UVSSA: variants seen among roughly 807,000 people sequenced by gnomAD.
UVSSA encodes UV stimulated scaffold protein A.
Under a neutral mutation model 73.9 loss-of-function variants are expected in UVSSA, and 72 were observed. The ratio of observed to expected loss-of-function variants is 0.97; its 90% CI spans 0.81 to 1.19. UVSSA has a LOEUF of 1.19. Among genes scored for constraint, UVSSA ranks in the 50% most tolerant of loss-of-function variants. The probability of loss-of-function intolerance (pLI) is 0.00; values close to 1 mark genes in which losing one functional copy is unlikely to be tolerated. For missense variants in UVSSA, 1,150 were observed against 965.0 expected (o/e 1.19, Z -2.54); for synonymous variants, 454 against 391.3 (o/e 1.16, Z -1.89).
chr4:1,350,236 G>C (rs1394242834), intron 3 of UVSSA, among the ~76,000 whole-genome samples: 1 of 152,162 alleles, frequency 6.6e-6, no homozygotes, highest in Non-Finnish European at 1.5e-5. Context: ...GCACTTTAAG[G>C]CTCCACCCGC....
chr4:1,356,235 G>A (rs1006633224), intron 7 of UVSSA, among the ~76,000 whole-genome samples: 49 of 152,170 alleles, frequency 3.2e-4, no homozygotes, highest in African/African-American at 1.2e-3. Context: ...TCCTTGCTGA[G>A]GAAGAGGTTG....
intron 11 of UVSSA, 68 bp from the exon 12 acceptor site, chr4:1,380,812 G>T: frequency 6.3e-7 from 1 of 1,592,874 alleles, no homozygotes. Flanking sequence ...AAGTCGTGGT[G>T]GTGGGGGGAG....
At chr4:1,367,439 T>G (rs1162942450) in intron 8 of UVSSA, among the ~76,000 whole-genome samples, 1 of 151,546 alleles carries the variant, frequency 6.6e-6, no homozygotes, top group African/African-American at 2.4e-5. Context: ...CTTAGATGAT[T>G]AGACAACTCA....
intron 8 of UVSSA, among the ~76,000 whole-genome samples, chr4:1,367,145 G>A (rs1234532210): frequency 6.6e-6 from 1 of 152,210 alleles, no homozygotes; most frequent in Non-Finnish European, 1.5e-5. Context: ...CACTGTCAGG[G>A]AGCACTCGGG....
Position 1,349,697 on chromosome 4 carries a change from T to G in UVSSA, c.272T>G (p.Leu91Arg). 1.2e-6 allele frequency: 2 copies of G among 1,613,958 alleles called. No individual in the cohort carries two copies. Among genetic ancestry groups the G allele is most frequent in the African/African-American group, 2.7e-5 (2 of 75,028 alleles). ...TTCCAGGAGTTCCTGGAGCTCACGCTGGGCACAGACCCCGCACAGCCTCTG... is the reference window on the plus strand; with the variant it reads ...TTCCAGGAGTTCCTGGAGCTCACGCGGGGCACAGACCCCGCACAGCCTCTG... ...SNFQEFLELT[L>R]GTDPAQPLPP... The change falls in exon 3 of 14, where the codon CTG (leucine) becomes CGG (arginine). Residue 91 changes from leucine to arginine, a missense_variant. Coordinates refer to ENST00000389851, the MANE Select transcript of UVSSA (RefSeq NM_020894.4).
intron 9 of UVSSA, 113 bp downstream of exon 9, chr4:1,375,621 T>A: frequency 2.0e-6 from 3 of 1,480,718 alleles, no homozygotes; most frequent in Non-Finnish European, 1.8e-6. Flanking sequence ...GATATCTTGG[T>A]GGAAGCCTTG....
rs116541454 is a variant in UVSSA, at chr4:1,395,335, G to C, written c.*9374G>C. 5.0e-4 allele frequency: 727 copies of C among 1,446,394 alleles called. 22 individuals carry two copies. Among genetic ancestry groups the C allele is most frequent in the Admixed American group, 8.0e-4 (38 of 47,366 alleles). 89.6% of individuals were successfully genotyped at this position (1,446,394 alleles called of 1,614,324 possible). A position where few individuals can be genotyped will look rare whatever the true frequency, so the allele number is the denominator to read the frequency against. ...TGGAGTGCCCGCCTGCTCACGTGCC[G>C]ATGTGGGGTGCCCGCCTGCTCACAT... is the stretch of plus-strand genomic sequence containing the variant. On this transcript the variant is annotated 3_prime_UTR_variant, in exon 14 of 14. Transcript: ENST00000511216.
At chr4:1,352,088 C>T (rs572871798) in intron 4 of UVSSA, among the ~76,000 whole-genome samples, 1 of 152,372 alleles carries the variant, frequency 6.6e-6, no homozygotes, top group Admixed American at 6.5e-5. Context: ...GGCAGAGATG[C>T]CAGGCACAGG....
At chr4:1,350,951 G>T (rs554054392) in intron 3 of UVSSA, among the ~76,000 whole-genome samples, 1 of 152,286 alleles carries the variant, frequency 6.6e-6, no homozygotes, top group Non-Finnish European at 1.5e-5. Flanking sequence ...TGTCACCCAG[G>T]CTAGAGTGCA....
At chr4:1,373,710 T>C (rs894303043) in intron 8 of UVSSA, among the ~76,000 whole-genome samples, 5 of 152,316 alleles carry the variant, frequency 3.3e-5, no homozygotes, top group African/African-American at 4.8e-5. Flanking sequence ...TCTCTCCTCC[T>C]GGGATTTTAG....
intron 4 of UVSSA, among the ~76,000 whole-genome samples, chr4:1,352,524 A>G (rs774159997): frequency 1.3e-5 from 2 of 152,236 alleles, no homozygotes; most frequent in East Asian, 3.9e-4. Flanking sequence ...GCCCTAGGGA[A>G]GAGGTGCAGC....
intron 13 of UVSSA, chr4:1,385,455 C>T (rs769082044): frequency 2.2e-4 from 47 of 215,408 alleles, no homozygotes; most frequent in Non-Finnish European, 3.9e-4. Flanking sequence ...CAGCCCTGGC[C>T]GTGGAGCCGT....
intron 1 of UVSSA, 34 bp from the exon 2 acceptor site, chr4:1,348,056 G>A (rs1171703296): frequency 4.7e-6 from 7 of 1,504,770 alleles, no homozygotes; most frequent in Non-Finnish European, 9.2e-7. Flanking sequence ...AAATACAGAT[G>A]GTGATATAGC....
chr4:1,352,523 A>C (rs544933685), intron 4 of UVSSA, among the ~76,000 whole-genome samples: 125 of 152,244 alleles, frequency 8.2e-4, no homozygotes, highest in African/African-American at 2.9e-3. Flanking sequence ...TGCCCTAGGG[A>C]AGAGGTGCAG....
intron 8 of UVSSA, among the ~76,000 whole-genome samples, chr4:1,367,987 A>G (rs1199796625): frequency 1.3e-5 from 2 of 152,248 alleles, no homozygotes; most frequent in East Asian, 1.9e-4. Context: ...GGCCGCTGCA[A>G]TCTCCTTCAT....
chr4:1,345,643 T>C (rs1713604690), upstream of UVSSA, among the ~76,000 whole-genome samples: 1 of 22,964 alleles, frequency 4.4e-5, no homozygotes, highest in South Asian at 1.3e-3. Flanking sequence ...AGACTTTGTC[T>C]CAAAAAAAAA....
intron 4 of UVSSA, 121 bp from the exon 5 acceptor site, chr4:1,352,909 C>T: frequency 7.5e-7 from 1 of 1,325,714 alleles, no homozygotes; most frequent in Non-Finnish European, 1.0e-6. Flanking sequence ...TGCACCACTG[C>T]ATTCCACCTG....
chr4:1,379,796 G>GTTCTTTTGCCTGGGTGCT (rs1560481626), intron 10 of UVSSA, among the ~76,000 whole-genome samples: 329 of 39,680 alleles, frequency 8.3e-3, no homozygotes, highest in Middle Eastern at 0.018. Context: ...TCGTGCCCGT[G>GTTCTTTTGCCTGGGTGCT]GTCGCGCGGC....
intron 12 of UVSSA, among the ~76,000 whole-genome samples, chr4:1,381,366 C>T (rs1005189786): frequency 7.9e-5 from 12 of 152,246 alleles, no homozygotes; most frequent in African/African-American, 2.7e-4. Context: ...CTTCTAGGAA[C>T]CCCTCTGGCC....
Sources: allele counts gnomAD v4.1 joint callset (sites outside exome capture counted in the v4.1 genomes callset), GRCh38; gene constraint gnomAD v4.1.1; transcripts MANE v1.5; gene names NCBI Gene and HGNC (gene_info 2026-07-23, HGNC 2026-07-21).